The following EIF3E variants were observed in gnomAD, a reference collection of about 807,000 sequenced individuals.
EIF3E encodes eukaryotic translation initiation factor 3 subunit E, also known as eIF-3 p48.
A neutral mutation model predicts 59.3 loss-of-function variants in EIF3E; 25 were observed. The observed-to-expected ratio is 0.42, with a 90% CI of 0.31 to 0.59. EIF3E has a LOEUF of 0.59. EIF3E is among the 20% of genes least tolerant of loss of function. The pLI is 0.15. For synonymous variants in EIF3E, 176 were observed against 170.2 expected, an observed-to-expected ratio of 1.03 and a Z score of -0.26; for missense variants, 317 against 534.3, an observed-to-expected ratio of 0.59 and a Z score of 4.01.
At chr8:108,206,172 A>G (rs1586189917) in intron 10 of EIF3E, among the ~76,000 whole-genome samples, 1 of 152,212 alleles carries the variant, frequency 6.6e-6, no homozygotes, top group East Asian at 1.9e-4. Flanking sequence ...GTTAGATGCT[A>G]CTGGCAAAAC....
intron 5 of EIF3E, chr8:108,233,615 G>A: frequency 2.7e-6 from 1 of 374,558 alleles, no homozygotes; most frequent in Non-Finnish European, 5.5e-6. Context: ...GCTGAGGAGG[G>A]AGGATCACTT....
intron 10 of EIF3E, among the ~76,000 whole-genome samples, chr8:108,212,420 A>C (rs531325229): frequency 6.6e-6 from 1 of 152,362 alleles, no homozygotes; most frequent in South Asian, 2.1e-4. Flanking sequence ...AGAAAATTCT[A>C]CTGAGAAGTC....
chr8:108,229,301 C>T, intron 5 of EIF3E, 106 bp from the exon 6 acceptor site: 1 of 1,133,442 alleles, frequency 8.8e-7, no homozygotes, highest in Non-Finnish European at 1.2e-6. Context: ...AGACCTATAG[C>T]TTTCTACAAA....
intron 1 of EIF3E, chr8:108,242,154 C>T: frequency 7.2e-7 from 1 of 1,381,758 alleles, no homozygotes; most frequent in East Asian, 3.8e-5. Context: ...GACATTCCCA[C>T]CTACTTCTGA....
intron 10 of EIF3E, among the ~76,000 whole-genome samples, chr8:108,208,207 A>G (rs1388743921): frequency 6.6e-6 from 1 of 152,104 alleles, no homozygotes; most frequent in Non-Finnish European, 1.5e-5. Context: ...CTGTCTTATT[A>G]ATTACCTCTT....
intron 10 of EIF3E, among the ~76,000 whole-genome samples, chr8:108,210,064 G>A (rs1038994256): frequency 2.7e-5 from 4 of 149,224 alleles, no homozygotes; most frequent in Admixed American, 2.7e-4. Flanking sequence ...TTTTAAGCCA[G>A]ATCTTGCATC....
At chr8:108,216,582 C>G (rs1815310279) in intron 8 of EIF3E, 69 bp from the exon 9 acceptor site, 3 of 1,041,204 alleles carry the variant, frequency 2.9e-6, no homozygotes, top group East Asian at 5.2e-5. Context: ...CCCAGAATAT[C>G]CCAATCTTCT....
chr8:108,211,664 TCA>T (rs1312628233), intron 10 of EIF3E, among the ~76,000 whole-genome samples: 1 of 152,244 alleles, frequency 6.6e-6, no homozygotes, highest in Non-Finnish European at 1.5e-5. Context: ...TACTGATTTT[TCA>T]CTCCATTACT....
At chr8:108,217,902 G>A (rs1815333619) in intron 7 of EIF3E, among the ~76,000 whole-genome samples, 1 of 152,114 alleles carries the variant, frequency 6.6e-6, no homozygotes, top group African/African-American at 2.4e-5. Flanking sequence ...ATGAAAGACT[G>A]GAAGCAACGG....
At chr8:108,228,416 T>C (rs773789329) in intron 6 of EIF3E, 25 bp from the exon 7 acceptor site, 2 of 1,425,850 alleles carry the variant, frequency 1.4e-6, no homozygotes, top group Admixed American at 2.5e-5. Flanking sequence ...AATATATACA[T>C]AAAAAATATT....
chr8:108,232,570 C>T (rs1441584532), intron 5 of EIF3E, among the ~76,000 whole-genome samples: 6 of 152,124 alleles, frequency 3.9e-5, no homozygotes, highest in Non-Finnish European at 5.9e-5. Flanking sequence ...ACAAACCTGT[C>T]ACTTGTAGAA....
Position 108,248,623 on chromosome 8 carries a change from G to T in EIF3E, c.80C>A (p.Ser27Tyr). The T allele has an allele frequency of 6.2e-7, 1 of 1,614,006 alleles. No individual in the cohort carries two copies. The highest frequency in any genetic ancestry group is 1.7e-4 in the Middle Eastern group (1 of 6,060). Residue 27 changes from serine (S) to tyrosine (Y), a missense_variant, in exon 1 of 13, where the codon TCT (serine) becomes TAT (tyrosine). Physicochemically the swap from Ser to Tyr is moderately radical, Grantham distance 144 (BLOSUM62 -2). Around this residue, in one of 4 missense-constraint regions of EIF3E, gnomAD observed 242 missense variants for 398.0 expected, o/e 0.61. Coordinates refer to ENST00000220849, the MANE Select transcript of EIF3E (RefSeq NM_001568.3). ...HLVFPLLEFL[S>Y]VKEIYNEKEL... The stretch of plus-strand genomic sequence containing the variant: ...CAAAGACCCCCTCACCTCCTTTACA[G>T]AGAGAAATTCAAGAAGCGGAAAGAC...
At chr8:108,230,842 T>C (rs1376232403) in intron 5 of EIF3E, among the ~76,000 whole-genome samples, 1 of 152,154 alleles carries the variant, frequency 6.6e-6, no homozygotes, top group Non-Finnish European at 1.5e-5. Context: ...GAGCAATAAA[T>C]AGAAACTAAC....
At chr8:108,230,472 C>T (rs187014355) in intron 5 of EIF3E, among the ~76,000 whole-genome samples, 20 of 151,986 alleles carry the variant, frequency 1.3e-4, no homozygotes, top group South Asian at 4.2e-4. Flanking sequence ...CATTTACATA[C>T]GTAAATTTAT....
intron 1 of EIF3E, among the ~76,000 whole-genome samples, chr8:108,246,753 T>G (rs1815957299): frequency 6.6e-6 from 1 of 152,212 alleles, no homozygotes; most frequent in Non-Finnish European, 1.5e-5. Context: ...CTACTCAATA[T>G]GAAGACAATG....
At chr8:108,241,701 T>G (rs913536850) in intron 2 of EIF3E, 98 bp downstream of exon 2, 2 of 607,856 alleles carry the variant, frequency 3.3e-6, no homozygotes, top group Non-Finnish European at 5.4e-6. Context: ...CAAATCATAT[T>G]TAAGCCTTTT....
chr8:108,220,967 G>T (rs894597909), intron 7 of EIF3E, among the ~76,000 whole-genome samples: 1 of 152,144 alleles, frequency 6.6e-6, no homozygotes, highest in African/African-American at 2.4e-5. Flanking sequence ...TGAGTGAACC[G>T]AGGCTGCAGT....
intron 3 of EIF3E, among the ~76,000 whole-genome samples, chr8:108,237,044 T>TG (rs1423375354): frequency 6.6e-6 from 1 of 151,802 alleles, no homozygotes; most frequent in East Asian, 1.9e-4. Flanking sequence ...TAAATAAAAA[T>TG]TTAAAAATCA....
At position 108,237,028 on chromosome 8, in the gene EIF3E, A is replaced by T. The variant is rs185245065; in HGVS notation, c.324-825T>A. 1.1e-3 allele frequency among the ~76,000 whole-genome samples: 164 copies of T among 152,198 alleles called. 1 individual carries two copies. The highest frequency in any genetic ancestry group is 3.8e-3 in the African/African-American group (159 of 41,544). On this transcript the variant is annotated intron_variant, in intron 3 of 12. Transcript: ENST00000220849. ...CAGAGTGAGACTCTGTCTCAAAAAA[A>T]AATAATAAATAAAAATTTAAAAATC...
Sources: allele counts gnomAD v4.1 joint callset (sites outside exome capture counted in the v4.1 genomes callset), GRCh38; gene constraint gnomAD v4.1.1; regional missense constraint gnomAD v4.1.1; transcripts MANE v1.5; gene names NCBI Gene and HGNC (gene_info 2026-07-23, HGNC 2026-07-21).